The following SLC35F1 variants were observed in gnomAD, a reference collection of about 807,000 sequenced individuals.
SLC35F1 encodes chromosome 6 open reading frame 169.
A neutral mutation model predicts 48.7 loss-of-function variants in SLC35F1; 14 were observed. That is an observed-to-expected ratio of 0.29 (90% CI 0.19 to 0.45). SLC35F1 has a LOEUF of 0.45. Ranked by LOEUF, SLC35F1 falls within the 20% of genes least tolerant of loss-of-function variation. The pLI is 1.00. For synonymous variants in SLC35F1, 190 were observed against 202.2 expected (o/e 0.94, Z 0.51); for missense variants, 404 against 500.0 (o/e 0.81, Z 1.83).
chr6:117,986,560 T>C (rs1046785773), intron 1 of SLC35F1, among the ~76,000 whole-genome samples: 2 of 152,216 alleles, frequency 1.3e-5, no homozygotes, highest in African/African-American at 2.4e-5. Flanking sequence ...AGCTCACTGA[T>C]TGGCCTCCAT....
At chr6:118,048,026 G>T (rs1240244974) in intron 1 of SLC35F1, among the ~76,000 whole-genome samples, 1 of 152,226 alleles carries the variant, frequency 6.6e-6, no homozygotes, top group South Asian at 2.1e-4. Flanking sequence ...GTTTGTCATA[G>T]ATAGCTCTCA....
chr6:118,228,907 A>C (rs895443221), intron 2 of SLC35F1, among the ~76,000 whole-genome samples: 6 of 151,750 alleles, frequency 4.0e-5, no homozygotes, highest in South Asian at 4.2e-4. Context: ...ACCACCCATG[A>C]GATCCCTTAA....
intron 1 of SLC35F1, among the ~76,000 whole-genome samples, chr6:117,908,890 G>A (rs531964584): frequency 6.6e-6 from 1 of 152,308 alleles, no homozygotes; most frequent in East Asian, 1.9e-4. Flanking sequence ...TTTCTGTGTG[G>A]CATTGTGTTG....
chr6:118,243,365 G>A (rs1775465054), intron 3 of SLC35F1, among the ~76,000 whole-genome samples: 1 of 152,174 alleles, frequency 6.6e-6, no homozygotes, highest in African/African-American at 2.4e-5. Context: ...TGCAATCCCA[G>A]CACTTTGCGA....
In SLC35F1 at chr6:118,154,541, CA is replaced by C. The variant is rs756699037; in HGVS notation, c.272del (p.Asn91ThrfsTer22). Reference sequence around the variant, plus strand: ...AGTATCTGTCAGAAGATTTCCACGCCAACACACCAGTCTTCCAGAGTTTCCT... The same window carrying C: ...AGTATCTGTCAGAAGATTTCCACGCCACACACCAGTCTTCCAGAGTTTCCT... ...SKYLSEDFHA[N>X]TPVFQSFLNY... is the part of the protein sequence containing the mutation. On this transcript the variant is annotated frameshift_variant, in exon 2 of 8. Coordinates refer to ENST00000360388, the MANE Select transcript of SLC35F1 (RefSeq NM_001029858.4). LOFTEE classifies it high-confidence loss of function. 6.2e-7 allele frequency: 1 copy of C among 1,614,000 alleles called. No individual in the cohort carries two copies. Among genetic ancestry groups the C allele is most frequent in the Non-Finnish European group, 8.5e-7 (1 of 1,179,960 alleles).
At chr6:118,138,558 T>A (rs1399105865) in intron 1 of SLC35F1, among the ~76,000 whole-genome samples, 2 of 152,214 alleles carry the variant, frequency 1.3e-5, no homozygotes, top group Non-Finnish European at 2.9e-5. Context: ...CAACTCTGCC[T>A]TTTTCACTGT....
intron 1 of SLC35F1, among the ~76,000 whole-genome samples, chr6:118,045,553 CCTTT>C (rs1216156607): frequency 6.6e-6 from 1 of 152,180 alleles, no homozygotes; most frequent in Non-Finnish European, 1.5e-5. Context: ...CTCTCACACT[CCTTT>C]CTCTTCCCAG....
chr6:117,921,516 A>G (rs1775899094), intron 1 of SLC35F1, among the ~76,000 whole-genome samples: 1 of 152,250 alleles, frequency 6.6e-6, no homozygotes, highest in African/African-American at 2.4e-5. Context: ...TATTTTATAT[A>G]AAAAATTTCT....
At chr6:118,076,497 A>G (rs1366004177) in intron 1 of SLC35F1, among the ~76,000 whole-genome samples, 1 of 152,190 alleles carries the variant, frequency 6.6e-6, no homozygotes, top group Non-Finnish European at 1.5e-5. Context: ...GCAAAGAGGA[A>G]GCAAGCACAT....
At chr6:118,249,533 C>A (rs1198518685) in intron 3 of SLC35F1, among the ~76,000 whole-genome samples, 1 of 152,156 alleles carries the variant, frequency 6.6e-6, no homozygotes, top group African/African-American at 2.4e-5. Flanking sequence ...AGAGTCCTTG[C>A]ATGTAAAAAA....
chr6:118,143,302 G>A (rs1317612471), intron 1 of SLC35F1, among the ~76,000 whole-genome samples: 3 of 152,104 alleles, frequency 2.0e-5, no homozygotes, highest in Non-Finnish European at 4.4e-5. Flanking sequence ...AAAGCTAAAA[G>A]CATTGTGTAA....
intron 1 of SLC35F1, among the ~76,000 whole-genome samples, chr6:118,024,363 A>T (rs946687756): frequency 6.6e-6 from 1 of 152,256 alleles, no homozygotes; most frequent in Non-Finnish European, 1.5e-5. Flanking sequence ...AAGCTCATTA[A>T]GATGAAAAGA....
intron 3 of SLC35F1, among the ~76,000 whole-genome samples, chr6:118,242,509 T>C (rs1308365000): frequency 6.6e-6 from 1 of 152,226 alleles, no homozygotes; most frequent in East Asian, 1.9e-4. Context: ...AGCATTATCA[T>C]GTTGGATTTA....
chr6:117,956,035 A>T (rs1267539775), intron 1 of SLC35F1, among the ~76,000 whole-genome samples: 1 of 152,208 alleles, frequency 6.6e-6, no homozygotes, highest in Non-Finnish European at 1.5e-5. Context: ...GCTCTGGCTC[A>T]TGGGGATGGC....
intron 2 of SLC35F1, among the ~76,000 whole-genome samples, chr6:118,200,771 GT>G (rs1303412800): frequency 6.6e-6 from 1 of 152,042 alleles, no homozygotes; most frequent in Non-Finnish European, 1.5e-5. Context: ...CAGTTTGGGG[GT>G]TTTGCTCCAT....
chr6:118,038,769 G>T (rs898879058), intron 1 of SLC35F1, among the ~76,000 whole-genome samples: 3 of 151,946 alleles, frequency 2.0e-5, no homozygotes, highest in Non-Finnish European at 4.4e-5. Context: ...CTACAGTTGT[G>T]AGCAACCATT....
intron 2 of SLC35F1, among the ~76,000 whole-genome samples, chr6:118,216,661 C>T (rs1775077764): frequency 6.6e-6 from 1 of 151,998 alleles, no homozygotes; most frequent in African/African-American, 2.4e-5. Context: ...CAATAATATA[C>T]TCATTACACA....
intron 1 of SLC35F1, among the ~76,000 whole-genome samples, chr6:118,128,361 C>T (rs1242354957): frequency 4.1e-5 from 6 of 145,996 alleles, no homozygotes; most frequent in South Asian, 2.3e-4. Flanking sequence ...CACATGCACA[C>T]GTATGTTTAT....
intron 1 of SLC35F1, among the ~76,000 whole-genome samples, chr6:118,074,244 T>A (rs1772784782): frequency 6.6e-6 from 1 of 152,214 alleles, no homozygotes; most frequent in Admixed American, 6.5e-5. Flanking sequence ...TACAACCTTC[T>A]TAAGCTGTCG....
Sources: gnomAD v4.1 joint callset for allele counts (sites outside exome capture counted in the v4.1 genomes callset) on GRCh38, gnomAD v4.1.1 for gene constraint, MANE v1.5 for transcripts, NCBI Gene and HGNC (gene_info 2026-07-23, HGNC 2026-07-21) for gene names.